ACTG2: variants seen among roughly 807,000 people sequenced by gnomAD.
ACTG2 encodes actin, gamma-enteric smooth muscle.
A neutral mutation model predicts 37.6 loss-of-function variants in ACTG2; 16 were observed. That is an observed-to-expected ratio of 0.43 (90% CI 0.29 to 0.65). ACTG2 has a LOEUF of 0.65. ACTG2 is among the 30% of genes least tolerant of loss of function. The pLI, the probability that ACTG2 is intolerant of heterozygous loss-of-function variation, is 0.18. For missense variants in ACTG2, 238 were observed against 490.9 expected, an observed-to-expected ratio of 0.48 and a Z score of 4.87; for synonymous variants, 181 against 179.9, an observed-to-expected ratio of 1.01 and a Z score of -0.05.
At chr2:73,894,249 G>A (rs1679693927) in intron 1 of ACTG2, among the ~76,000 whole-genome samples, 1 of 152,140 alleles carries the variant, frequency 6.6e-6, no homozygotes, top group Admixed American at 6.5e-5. Context: ...TGAAGCTGCT[G>A]GTCTGGGACC....
chr2:73,901,841 A>G, intron 2 of ACTG2: 1 of 206,074 alleles, frequency 4.9e-6, no homozygotes. Context: ...GTGAAGAAAT[A>G]CACATAACTA....
At chr2:73,901,101 A>C (rs1427646983) in intron 1 of ACTG2, among the ~76,000 whole-genome samples, 175 bp from the exon 2 acceptor site, 1 of 152,092 alleles carries the variant, frequency 6.6e-6, no homozygotes, top group Non-Finnish European at 1.5e-5. Flanking sequence ...CACAATTCAC[A>C]TTTCAGGGCA....
Position 73,916,623 on chromosome 2 carries a change from C to A in ACTG2, c.845C>A (p.Ser282Tyr), listed in dbSNP as rs1220219752. ...GGAATTCATGAGACAACCTACAATT[C>A]CATCATGAAGTGTGACATTGACATC... ...SAGIHETTYNSIMKCDIDIRK... is the reference protein window; with the variant it reads ...SAGIHETTYNYIMKCDIDIRK... Residue 282 changes from serine (S) to tyrosine (Y), a missense_variant, in exon 8 of 9, where the codon TCC becomes TAC. Ser to Tyr is a moderately radical substitution (Grantham distance 144). Transcript: ENST00000345517. 6.2e-7 allele frequency: 1 copy of A among 1,614,040 alleles called. No homozygotes were observed. The highest frequency in any genetic ancestry group is 8.5e-7 in the Non-Finnish European group (1 of 1,179,974).
At chr2:73,898,006 G>A (rs1310802590) in intron 1 of ACTG2, among the ~76,000 whole-genome samples, 3 of 152,236 alleles carry the variant, frequency 2.0e-5, no homozygotes, top group Non-Finnish European at 4.4e-5. Flanking sequence ...CCGCCTGTGT[G>A]TTAAACACCC....
intron 3 of ACTG2, among the ~76,000 whole-genome samples, chr2:73,906,373 C>A (rs1019297249): frequency 6.6e-6 from 1 of 152,184 alleles, no homozygotes; most frequent in Non-Finnish European, 1.5e-5. Flanking sequence ...ATGCCGTGAA[C>A]CCGGGAGGCG....
intron 4 of ACTG2, 115 bp from the exon 5 acceptor site, chr2:73,908,940 A>G: frequency 1.6e-6 from 2 of 1,260,042 alleles, no homozygotes. Flanking sequence ...GTGTGGAATA[A>G]TGAACTATCA....
intron 1 of ACTG2, among the ~76,000 whole-genome samples, chr2:73,901,047 C>G (rs13404039): frequency 6.6e-6 from 1 of 152,204 alleles, no homozygotes; most frequent in African/African-American, 2.4e-5. Flanking sequence ...CAGTCACCTT[C>G]TGTGTACTGG....
At chr2:73,916,237 G>A (rs543582671) in intron 7 of ACTG2, among the ~76,000 whole-genome samples, 6 of 152,006 alleles carry the variant, frequency 3.9e-5, no homozygotes, top group East Asian at 3.9e-4. Flanking sequence ...TTAGCTGGGC[G>A]TGGTGGCATG....
intron 1 of ACTG2, among the ~76,000 whole-genome samples, chr2:73,900,807 A>C (rs1262049558): frequency 6.6e-6 from 1 of 152,166 alleles, no homozygotes; most frequent in Admixed American, 6.6e-5. Context: ...TAATCATGAT[A>C]ATCAGTTTGC....
chr2:73,899,120 T>A (rs1380966497), intron 1 of ACTG2, among the ~76,000 whole-genome samples: 1 of 152,082 alleles, frequency 6.6e-6, no homozygotes, highest in Admixed American at 6.5e-5. Context: ...ACAAGAACTT[T>A]CACAGTTTGG....
chr2:73,904,777 G>GTGTGTATGTATATATATATA (rs1427483105), intron 3 of ACTG2, among the ~76,000 whole-genome samples: 2 of 42,608 alleles, frequency 4.7e-5, no homozygotes, highest in African/African-American at 1.6e-4. Context: ...GTGTGTGTGT[G>GTGTGTATGTATATATATATA]TATATATATA....
At chr2:73,901,587 C>CGTGT (rs140664533) in intron 2 of ACTG2, 150 bp downstream of exon 2, 8 of 144,332 alleles carry the variant, frequency 5.5e-5, no homozygotes, top group East Asian at 3.0e-4. Context: ...TGTGTCTGTG[C>CGTGT]GTGTGTGTGT....
intron 3 of ACTG2, among the ~76,000 whole-genome samples, chr2:73,904,765 GTGTGTGTGTGTGTATATATATATA>G (rs748908137): frequency 4.8e-4 from 29 of 60,016 alleles, no homozygotes; most frequent in African/African-American, 1.8e-3. Context: ...GTGTGTGTGT[GTGTGTGTGTGTGTATATATATATA>G]TATATATATA....
chr2:73,914,705 C>G lies in ACTG2; in HGVS notation c.639C>G (p.Ile213Met). 1.9e-6 allele frequency: 3 copies of G among 1,599,058 alleles called. No homozygotes were observed. The highest frequency in any genetic ancestry group is 2.6e-6 in the Non-Finnish European group (3 of 1,172,286). ...CTGAGAGAGAAATTGTGCGAGACATCAAGGAGAAGCTGTGCTATGTGGCCC... is the reference window on the plus strand; with the variant it reads ...CTGAGAGAGAAATTGTGCGAGACATGAAGGAGAAGCTGTGCTATGTGGCCC... ...TTAEREIVRD[I>M]KEKLCYVALD... The change falls in exon 7 of 9, where the codon ATC becomes ATG. Residue 213 changes from isoleucine to methionine, a missense_variant. Transcript: ENST00000345517.
chr2:73,906,487 C>A (rs1019938180), intron 3 of ACTG2, among the ~76,000 whole-genome samples: 3 of 85,340 alleles, frequency 3.5e-5, no homozygotes, highest in Non-Finnish European at 5.4e-5. Flanking sequence ...TAAATAAATA[C>A]ATAAAAATTT....
intron 3 of ACTG2, chr2:73,902,772 G>A (rs1293090311): frequency 6.5e-7 from 1 of 1,547,788 alleles, no homozygotes; most frequent in South Asian, 1.2e-5. Flanking sequence ...ACACAGGTCA[G>A]CTCATGTCAC....
intron 3 of ACTG2, among the ~76,000 whole-genome samples, chr2:73,907,086 CCTT>C (rs1479391795): frequency 6.6e-6 from 1 of 152,188 alleles, no homozygotes; most frequent in South Asian, 2.1e-4. Context: ...CCTCTGGAGA[CCTT>C]CTTTTGCCCT....
At chr2:73,908,186 C>T (rs1680052735) in intron 3 of ACTG2, 1 of 444,572 alleles carries the variant, frequency 2.2e-6, no homozygotes, top group South Asian at 1.6e-5. Flanking sequence ...TTAGTGAGAG[C>T]TTGAGCTCTG....
chr2:73,907,536 C>T (rs1332338312), intron 3 of ACTG2, among the ~76,000 whole-genome samples: 1 of 152,140 alleles, frequency 6.6e-6, no homozygotes. Flanking sequence ...GGCTGGAGTG[C>T]AGTGCCATGA....
Sources: gnomAD v4.1 joint callset for allele counts (sites outside exome capture counted in the v4.1 genomes callset) on GRCh38, gnomAD v4.1.1 for gene constraint, MANE v1.5 for transcripts, NCBI Gene and HGNC (gene_info 2026-07-23, HGNC 2026-07-21) for gene names.